Variants in MRTFA observed in about 807,000 individuals in gnomAD.
The protein encoded by MRTFA is myocardin-related transcription factor A.
In MRTFA, 20 loss-of-function variants were observed where a neutral mutation model predicts 83.5. That is an observed-to-expected ratio of 0.24 (90% CI 0.17 to 0.35). The LOEUF (loss-of-function observed/expected upper bound fraction) is 0.35. MRTFA is among the 10% of genes least tolerant of loss of function. The probability of loss-of-function intolerance (pLI) is 1.00; values close to 1 mark genes in which losing one functional copy is unlikely to be tolerated. For synonymous variants in MRTFA, 659 were observed against 541.2 expected, an observed-to-expected ratio of 1.22 and a Z score of -3.02; for missense variants, 1,200 against 1,224.7, an observed-to-expected ratio of 0.98 and a Z score of 0.30.
intron 4 of MRTFA, among the ~76,000 whole-genome samples, chr22:40,451,961 G>A (rs2053496218): frequency 8.9e-6 from 1 of 112,682 alleles, no homozygotes. Flanking sequence ...CCTGGCTGAA[G>A]TTTTTTTTTT....
chr22:40,532,918 A>G (rs2055106985), intron 3 of MRTFA, among the ~76,000 whole-genome samples: 1 of 152,260 alleles, frequency 6.6e-6, no homozygotes, highest in African/African-American at 2.4e-5. Context: ...CTATTTTTAG[A>G]TATCTGACTT....
chr22:40,472,452 T>G (rs2053930751), intron 3 of MRTFA, among the ~76,000 whole-genome samples: 1 of 152,244 alleles, frequency 6.6e-6, no homozygotes, highest in South Asian at 2.1e-4. Context: ...CATCATCTTT[T>G]GCTGTGTTTT....
chr22:40,584,002 A>C (rs2061418532), intron 2 of MRTFA, among the ~76,000 whole-genome samples: 1 of 152,222 alleles, frequency 6.6e-6, no homozygotes, highest in African/African-American at 2.4e-5. Context: ...TTGTATGTCC[A>C]GACTATTTTA....
At chr22:40,600,550 G>C (rs1037953110) in intron 1 of MRTFA, among the ~76,000 whole-genome samples, 8 of 152,156 alleles carry the variant, frequency 5.3e-5, no homozygotes, top group Admixed American at 4.6e-4. Context: ...AGCAATACCT[G>C]TATATATTAA....
At chr22:40,443,156 G>A (rs1182732367) in intron 4 of MRTFA, among the ~76,000 whole-genome samples, 1 of 152,102 alleles carries the variant, frequency 6.6e-6, no homozygotes, top group Non-Finnish European at 1.5e-5. Flanking sequence ...GGAGGCTGAG[G>A]CAGGAGAATT....
chr22:40,492,395 C>A (rs989691578), intron 3 of MRTFA, among the ~76,000 whole-genome samples: 1 of 152,216 alleles, frequency 6.6e-6, no homozygotes, highest in Admixed American at 6.5e-5. Context: ...TGGGCCTAGA[C>A]ACAGACACCT....
intron 1 of MRTFA, among the ~76,000 whole-genome samples, chr22:40,622,585 T>A (rs1251105138): frequency 6.6e-6 from 1 of 151,772 alleles, no homozygotes; most frequent in African/African-American, 2.4e-5. Context: ...GAGAAAGAGA[T>A]GTGCAGAGAG....
At chr22:40,587,786 A>G in intron 2 of MRTFA, 1 of 335,936 alleles carries the variant, frequency 3.0e-6, no homozygotes, top group Non-Finnish European at 5.9e-6. Context: ...TTGAGACCCA[A>G]CTCTGCCAGT....
intron 1 of MRTFA, among the ~76,000 whole-genome samples, chr22:40,610,455 C>T (rs2056374358): frequency 6.6e-6 from 1 of 152,178 alleles, no homozygotes; most frequent in Non-Finnish European, 1.5e-5. Context: ...ATTAAGCTCT[C>T]TTACTGGACT....
At chr22:40,519,322 G>A (rs2054819495) in intron 3 of MRTFA, 18 of 851,104 alleles carry the variant, frequency 2.1e-5, no homozygotes, top group Non-Finnish European at 2.9e-5. Context: ...CTATAGAGAT[G>A]GTCCTTCTCA....
intron 4 of MRTFA, among the ~76,000 whole-genome samples, chr22:40,452,624 G>T: frequency 6.6e-6 from 1 of 151,372 alleles, no homozygotes; most frequent in East Asian, 1.9e-4. Context: ...AGGAGTTCGA[G>T]CATGGTGAAA....
chr22:40,514,474 ATT>A lies in MRTFA; in HGVS notation c.241+37630_241+37631del, dbSNP rs979030081. Among the ~76,000 whole-genome samples the A allele has an allele frequency of 7.9e-3, 1,025 of 129,022 alleles. 20 individuals are homozygous for A. The highest frequency in any genetic ancestry group is 0.076 in the Middle Eastern group (19 of 250). The allele number at this position is 129,022 out of a possible 152,430, so 84.6% of individuals were successfully genotyped here. On this transcript the variant is annotated intron_variant, in intron 3 of 14. Coordinates refer to ENST00000355630, the MANE Select transcript of MRTFA (RefSeq NM_020831.6). ...CCAAAAACAAAAATGTCCCTCCTAC[ATT>A]TTTTTTTTTTTTTTTTGAGTCAGAG...
intron 3 of MRTFA, among the ~76,000 whole-genome samples, chr22:40,516,176 T>C (rs994134658): frequency 2.0e-5 from 3 of 151,952 alleles, no homozygotes; most frequent in Non-Finnish European, 4.4e-5. Context: ...CCAACACTTT[T>C]GGGAGGTCAA....
chr22:40,485,551 T>C (rs1445527532), intron 3 of MRTFA, among the ~76,000 whole-genome samples: 1 of 151,558 alleles, frequency 6.6e-6, no homozygotes, highest in Non-Finnish European at 1.5e-5. Context: ...GCCTAAGGAG[T>C]GTATCACACC....
At chr22:40,528,642 C>T (rs1333823203) in intron 3 of MRTFA, among the ~76,000 whole-genome samples, 2 of 150,144 alleles carry the variant, frequency 1.3e-5, no homozygotes, top group African/African-American at 2.5e-5. Context: ...GAGGCTGAGG[C>T]AGGAGAATCG....
At chr22:40,414,165 C>T (rs573164571) in intron 14 of MRTFA, among the ~76,000 whole-genome samples, 3 of 152,064 alleles carry the variant, frequency 2.0e-5, no homozygotes, top group African/African-American at 7.2e-5. Context: ...ACAGTGAAAC[C>T]CCGTCTCTAC....
intron 3 of MRTFA, among the ~76,000 whole-genome samples, chr22:40,530,930 A>G (rs1021516204): frequency 6.6e-6 from 1 of 152,224 alleles, no homozygotes; most frequent in African/African-American, 2.4e-5. Context: ...ATGACAATCC[A>G]AATTTCATCA....
intron 3 of MRTFA, among the ~76,000 whole-genome samples, chr22:40,496,191 A>G (rs569288680): frequency 2.8e-4 from 43 of 152,168 alleles, no homozygotes; most frequent in Non-Finnish European, 5.7e-4. Context: ...TAACATCTCT[A>G]TGCCTCCATT....
chr22:40,432,911 G>A (rs1331735521), intron 5 of MRTFA, among the ~76,000 whole-genome samples: 1 of 152,204 alleles, frequency 6.6e-6, no homozygotes, highest in African/African-American at 2.4e-5. Flanking sequence ...GACAGTGGAA[G>A]ACTTATTCTC....
Sources: gnomAD v4.1 joint callset for allele counts (sites outside exome capture counted in the v4.1 genomes callset) on GRCh38, gnomAD v4.1.1 for gene constraint, MANE v1.5 for transcripts, NCBI Gene and HGNC (gene_info 2026-07-23, HGNC 2026-07-21) for gene names.